Variants in CACNA1C observed in about 807,000 individuals in gnomAD.
CACNA1C encodes the protein voltage-dependent L-type calcium channel subunit alpha-1C.
In CACNA1C, 30 loss-of-function variants were observed where a neutral mutation model predicts 229.0. The observed-to-expected ratio is 0.13, with a 90% confidence interval of 0.10 to 0.18. The LOEUF is 0.18. Among genes scored for constraint, CACNA1C ranks in the 10% least tolerant of loss-of-function variants. CACNA1C has a pLI of 1.00. For missense variants in CACNA1C, 1,658 were observed against 2,845.0 expected, an observed-to-expected ratio of 0.58 and a Z score of 9.49; for synonymous variants, 1,114 against 1,132.5, an observed-to-expected ratio of 0.98 and a Z score of 0.33.
At chr12:2,523,532 G>A (rs1053041813) in intron 9 of CACNA1C, among the ~76,000 whole-genome samples, 1 of 152,248 alleles carries the variant, frequency 6.6e-6, no homozygotes, top group East Asian at 1.9e-4. Context: ...GTGCTACAGC[G>A]TCATCACTTC....
intron 3 of CACNA1C, among the ~76,000 whole-genome samples, chr12:2,443,152 A>G (rs548838229): frequency 2.2e-4 from 33 of 152,330 alleles, no homozygotes; most frequent in African/African-American, 7.2e-4. Context: ...ATGGAAGGCA[A>G]ATCCCTTCCA....
At position 2,215,343 on chromosome 12, in the gene CACNA1C, G is replaced by T. The variant is rs2154342757; in HGVS notation, c.477+94913G>T. ...TGGATCCTGGTCAGTGGATCAGGTG[G>T]TGGTGCTGAGGGCTCTGTTACCCTG... On this transcript the variant is annotated intron_variant, in intron 3 of 46. Transcript: ENST00000399655. This position sits in a 1 kb window ranked among gnomAD's most constrained non-coding sequence, Gnocchi z 5.0. Among the ~76,000 whole-genome samples, 1 of 152,270 alleles carries T rather than the reference G, an allele frequency of 6.6e-6. No individual in the cohort carries two copies. Among genetic ancestry groups the T allele is most frequent in the South Asian group, 2.1e-4 (1 of 4,818 alleles).
intron 28 of CACNA1C, 33 bp downstream of exon 28, chr12:2,610,732 G>A: frequency 1.9e-6 from 3 of 1,610,146 alleles, no homozygotes; most frequent in Non-Finnish European, 2.5e-6. Flanking sequence ...CCATGGTGCT[G>A]CAGAAGGGAG....
intron 1 of CACNA1C, among the ~76,000 whole-genome samples, chr12:1,977,820 A>T (rs1470949796): frequency 6.6e-6 from 1 of 152,212 alleles, no homozygotes; most frequent in Non-Finnish European, 1.5e-5. Flanking sequence ...TGACTTTCTT[A>T]CTGCTATTAT....
intron 3 of CACNA1C, among the ~76,000 whole-genome samples, chr12:2,307,955 A>C (rs1022564192): frequency 1.3e-5 from 2 of 152,228 alleles, no homozygotes. Context: ...ATTATGATTT[A>C]GGAGGTCTGG....
intron 3 of CACNA1C, among the ~76,000 whole-genome samples, chr12:2,438,864 G>A (rs1413406773): frequency 1.3e-5 from 2 of 152,124 alleles, no homozygotes; most frequent in Non-Finnish European, 2.9e-5. Context: ...TGGGCCAGGT[G>A]TTGGTCTAAC....
At chr12:2,424,201 A>C (rs2099006249) in intron 3 of CACNA1C, among the ~76,000 whole-genome samples, 1 of 152,200 alleles carries the variant, frequency 6.6e-6, no homozygotes, top group African/African-American at 2.4e-5. Context: ...ATTTTCAGCA[A>C]TTTGCAGGAA....
At chr12:2,555,480 C>T (rs1293973000) in intron 10 of CACNA1C, among the ~76,000 whole-genome samples, 1 of 152,240 alleles carries the variant, frequency 6.6e-6, no homozygotes, top group Non-Finnish European at 1.5e-5. Flanking sequence ...TGGGAAGACA[C>T]TGAAGGTCTG....
intron 3 of CACNA1C, among the ~76,000 whole-genome samples, chr12:2,366,942 T>C (rs1199614941): frequency 6.6e-6 from 1 of 152,032 alleles, no homozygotes; most frequent in Non-Finnish European, 1.5e-5. Context: ...AACAACTAGA[T>C]CTTGTGAGAA....
rs577090983 is a variant in CACNA1C at position 2,478,420 on chromosome 12, G to A, written c.758-7684G>A. On this transcript the variant is annotated intron_variant, in intron 5 of 46. Transcript: ENST00000399655. ...GCAGCTGCAGTGTCACTTGAGACCC[G>A]GTTAGAAATGCAAACTCATTCCCCA... 1.4e-4 allele frequency among the ~76,000 whole-genome samples: 22 copies of A among 152,240 alleles called. No individual in the cohort carries two copies. The South Asian group carries it at 4.1e-3, about 29-fold the overall frequency.
chr12:2,052,906 C>A, upstream of CACNA1C: 2 of 848,606 alleles, frequency 2.4e-6, no homozygotes, highest in Non-Finnish European at 2.8e-6. Context: ...GGCGGGCGGG[C>A]GGGCGGCGCG....
intron 3 of CACNA1C, among the ~76,000 whole-genome samples, chr12:2,419,130 G>A (rs533901297): frequency 1.8e-4 from 28 of 152,304 alleles, no homozygotes; most frequent in Non-Finnish European, 2.9e-4. Flanking sequence ...CCATTGTTGC[G>A]TTGCTGTAGA....
chr12:2,603,649 G>A (rs928700941), intron 22 of CACNA1C: 2 of 152,174 alleles, frequency 1.3e-5, no homozygotes, highest in Non-Finnish European at 2.9e-5. Flanking sequence ...ATTGCACTAG[G>A]GAAAAGCCGT....
chr12:2,117,935 C>G (rs1186115415), intron 2 of CACNA1C, among the ~76,000 whole-genome samples: 1 of 152,206 alleles, frequency 6.6e-6, no homozygotes, highest in Non-Finnish European at 1.5e-5. Flanking sequence ...CCAGCCAGTT[C>G]TTCTTGAAGA....
intron 3 of CACNA1C, among the ~76,000 whole-genome samples, chr12:2,242,037 A>C (rs1163517563): frequency 6.6e-6 from 1 of 152,076 alleles, no homozygotes; most frequent in Non-Finnish European, 1.5e-5. Context: ...TTAGCTGTAA[A>C]GTCTTCCCAG....
chr12:2,670,152 C>T (rs969666318), intron 38 of CACNA1C, among the ~76,000 whole-genome samples: 2 of 152,150 alleles, frequency 1.3e-5, no homozygotes, highest in Non-Finnish European at 2.9e-5. Flanking sequence ...GCATCTTGAA[C>T]CAACTACAGA....
intron 5 of CACNA1C, among the ~76,000 whole-genome samples, chr12:2,472,704 A>C (rs2099599863): frequency 6.6e-6 from 1 of 151,962 alleles, no homozygotes; most frequent in African/African-American, 2.4e-5. Context: ...TTTCCTATTG[A>C]CTGCTTTTTT....
intron 11 of CACNA1C, among the ~76,000 whole-genome samples, chr12:2,557,433 AGGGT>A (rs1172996599): frequency 6.6e-6 from 1 of 152,206 alleles, no homozygotes. Context: ...AAAAGGATCC[AGGGT>A]CCTCAGCCCC....
chr12:2,543,210 TC>T (rs1599487115), intron 9 of CACNA1C, among the ~76,000 whole-genome samples: 1 of 152,314 alleles, frequency 6.6e-6, no homozygotes, highest in African/African-American at 2.4e-5. Context: ...GCATTCTCCT[TC>T]CCAGATCCAT....
Sources: gnomAD v4.1 joint callset for allele counts (sites outside exome capture counted in the v4.1 genomes callset) on GRCh38, gnomAD v4.1.1 for gene constraint, Gnocchi (gnomAD v3.1) non-coding constraint, MANE v1.5 for transcripts, NCBI Gene and HGNC (gene_info 2026-07-23, HGNC 2026-07-21) for gene names.